The following ZNF469 variants were observed in gnomAD, a reference collection of about 807,000 sequenced individuals.
ZNF469 encodes zinc finger protein 469.
ZNF469 carries 1 observed loss-of-function variant against 1.0 expected under a neutral mutation model. That is an observed-to-expected ratio of 1.00 (90% confidence interval 0.35 to 4.73). The LOEUF (loss-of-function observed/expected upper bound fraction) is 4.73. ZNF469 is among the 30% of genes most tolerant of loss of function. The pLI, the probability that ZNF469 is intolerant of heterozygous loss-of-function variation, is 0.16. For missense variants in ZNF469, 6,100 were observed against 5,356.3 expected (o/e 1.14, Z -4.33); for synonymous variants, 2,703 against 2,363.4 (o/e 1.14, Z -4.17).
At chr16:88,283,824 G>T in the ZNF469 span, among the ~76,000 whole-genome samples, 1 of 148,572 alleles carries the variant, frequency 6.7e-6, no homozygotes, top group East Asian at 2.0e-4. Context: ...GTGAAGGCTG[G>T]TAGACCCCCA....
At chr16:88,418,738 C>T (rs188496048) in intron 1 of ZNF469, among the ~76,000 whole-genome samples, 30 of 152,292 alleles carry the variant, frequency 2.0e-4, no homozygotes, top group Non-Finnish European at 2.9e-4. Flanking sequence ...TGATAATTTG[C>T]GCCGTATTCT....
chr16:88,325,898 G>A, the ZNF469 span, among the ~76,000 whole-genome samples: 1 of 152,208 alleles, frequency 6.6e-6, no homozygotes, highest in Non-Finnish European at 1.5e-5. Context: ...CCTGAAGGAC[G>A]CCACTTCCTC....
the ZNF469 span, among the ~76,000 whole-genome samples, chr16:88,220,248 G>A: frequency 6.6e-6 from 1 of 152,202 alleles, no homozygotes; most frequent in Non-Finnish European, 1.5e-5. Context: ...AGAGGGCACT[G>A]CAGGCTCCCT....
chr16:88,409,361 A>G (rs1246540791), intron 1 of ZNF469, among the ~76,000 whole-genome samples: 1 of 152,236 alleles, frequency 6.6e-6, no homozygotes, highest in African/African-American at 2.4e-5. Context: ...GAGACTGAGC[A>G]CGGCTAGACA....
At chr16:88,172,208 C>T in the ZNF469 span, among the ~76,000 whole-genome samples, 2 of 152,126 alleles carry the variant, frequency 1.3e-5, no homozygotes, top group East Asian at 1.9e-4. Context: ...AGAGAGGGCC[C>T]CTGGGGTTTT....
the ZNF469 span, among the ~76,000 whole-genome samples, chr16:88,135,024 G>A: frequency 1.2e-4 from 19 of 152,218 alleles, no homozygotes; most frequent in African/African-American, 4.6e-4. Flanking sequence ...CTGGACAGGG[G>A]TCAGTCCACC....
intron 1 of ZNF469, among the ~76,000 whole-genome samples, chr16:88,420,693 G>C (rs1905430428): frequency 1.3e-5 from 2 of 152,256 alleles, no homozygotes; most frequent in South Asian, 4.1e-4. Context: ...GCAAACGTCT[G>C]CTAGGCACTC....
In ZNF469 at chr16:88,437,587, G is replaced by T; in HGVS notation, c.10117G>T (p.Val3373Phe). The change falls in exon 3 of 3, where the codon GTC becomes TTC. Residue 3373 changes from valine (V) to phenylalanine (F), a missense_variant. Val to Phe is a conservative substitution (Grantham distance 50). Coordinates refer to ENST00000565624, the MANE Select transcript of ZNF469 (RefSeq NM_001367624.2). Reference sequence around the variant, plus strand: ...CTACCTGTGCCCCCGGTGCCCCCGGGTCTACCCCGAGCACGGGGAGCTGCT... The same window carrying T: ...CTACCTGTGCCCCCGGTGCCCCCGGTTCTACCCCGAGCACGGGGAGCTGCT... ...RVYLCPRCPRVYPEHGELLAH... is the reference protein window; with the variant it reads ...RVYLCPRCPRFYPEHGELLAH... The T allele has an allele frequency of 6.5e-7, 1 of 1,538,634 alleles. No homozygotes were observed.
At chr16:88,378,667 T>C (rs1217648522), upstream of ZNF469, among the ~76,000 whole-genome samples, 1 of 152,146 alleles carries the variant, frequency 6.6e-6, no homozygotes, top group East Asian at 1.9e-4. Flanking sequence ...ACTCCCACCC[T>C]GAACTAGGGA....
At chr16:88,103,809 C>T in the ZNF469 span, among the ~76,000 whole-genome samples, 1 of 148,018 alleles carries the variant, frequency 6.8e-6, no homozygotes, top group Admixed American at 6.7e-5. Context: ...TGGGATAATC[C>T]TCCATGGCAA....
At chr16:88,130,258 T>C in the ZNF469 span, among the ~76,000 whole-genome samples, 1 of 151,616 alleles carries the variant, frequency 6.6e-6, no homozygotes, top group South Asian at 2.1e-4. Context: ...CATCTGGGGG[T>C]CTTCAGAGAG....
the ZNF469 span, among the ~76,000 whole-genome samples, chr16:88,236,382 T>C: frequency 3.3e-5 from 5 of 152,392 alleles, no homozygotes; most frequent in South Asian, 1.0e-3. Context: ...AAACAGCCTG[T>C]GCTGTCAGTC....
At chr16:88,246,967 GTGAGTGAA>G in the ZNF469 span, among the ~76,000 whole-genome samples, 3 of 152,008 alleles carry the variant, frequency 2.0e-5, no homozygotes, top group African/African-American at 7.3e-5. Context: ...GAGTGAATAA[GTGAGTGAA>G]TGAGTGAATG....
rs534910156 is a variant in ZNF469 at position 88,436,590 on chromosome 16, G to C, written c.9120G>C (p.Pro3040=). The change falls in exon 3 of 3, where the codon CCG becomes CCC. Residue 3040 remains proline, a synonymous_variant. Coordinates refer to ENST00000565624, the MANE Select transcript of ZNF469 (RefSeq NM_001367624.2). ...TTCCCGGGAACACCCACCTGCTGCC[G>C]CTCCGTGCCACGGACTTTGAGGTGC... is the stretch of plus-strand genomic sequence containing the variant. ...GGLPGNTHLL[P]LRATDFEVLS... is the part of the protein sequence containing the mutation. 4 of 1,549,936 alleles carry C rather than the reference G, an allele frequency of 2.6e-6. No individual in the cohort carries two copies. Among genetic ancestry groups the C allele is most frequent in the South Asian group, 1.2e-5 (1 of 84,068 alleles).
chr16:88,346,417 C>T, the ZNF469 span, among the ~76,000 whole-genome samples: 2 of 152,294 alleles, frequency 1.3e-5, no homozygotes, highest in African/African-American at 4.8e-5. Flanking sequence ...GAGCCCCTCC[C>T]TCCCAGCCCT....
the ZNF469 span, among the ~76,000 whole-genome samples, chr16:88,339,924 A>G: frequency 2.8e-5 from 4 of 141,956 alleles, no homozygotes; most frequent in African/African-American, 1.2e-4. Context: ...ACGGGGTGGC[A>G]CAGTGTTGGG....
chr16:88,192,071 T>C, the ZNF469 span: 1 of 152,232 alleles, frequency 6.6e-6, no homozygotes, highest in Admixed American at 6.5e-5. Flanking sequence ...CTCTTTCACC[T>C]TGTGAGGACA....
chr16:88,319,946 G>T, the ZNF469 span, among the ~76,000 whole-genome samples: 1 of 152,348 alleles, frequency 6.6e-6, no homozygotes, highest in East Asian at 1.9e-4. Flanking sequence ...TGTGGGGTCA[G>T]TGAGGGTTTC....
chr16:88,380,443 TCACA>T (rs546652044), upstream of ZNF469, among the ~76,000 whole-genome samples: 23 of 97,674 alleles, frequency 2.4e-4, no homozygotes, highest in Admixed American at 2.2e-3. Context: ...ACATACACAG[TCACA>T]CACAGACATG....
Sources: gnomAD v4.1 joint callset for allele counts (sites outside exome capture counted in the v4.1 genomes callset) on GRCh38, gnomAD v4.1.1 for gene constraint, MANE v1.5 for transcripts, NCBI Gene and HGNC (gene_info 2026-07-23, HGNC 2026-07-21) for gene names.